The following ABCA13 variants were observed in gnomAD, a reference collection of about 807,000 sequenced individuals.
ABCA13 encodes the protein ATP-binding cassette sub-family A member 13.
ABCA13 carries 476 observed loss-of-function variants against 478.7 expected under a neutral mutation model. That is an observed-to-expected ratio of 0.99 (90% CI 0.92 to 1.07). ABCA13 has a LOEUF of 1.07. Among genes scored for constraint, ABCA13 ranks in the 50% least tolerant of loss-of-function variants. The probability of loss-of-function intolerance (pLI) is 0.00; values close to 1 mark genes in which losing one functional copy is unlikely to be tolerated. For synonymous variants in ABCA13, 2,252 were observed against 2,158.9 expected (o/e 1.04, Z -1.20); for missense variants, 6,060 against 5,910.6 (o/e 1.03, Z -0.83).
rs559220455 is a variant in ABCA13, at chr7:48,371,150, G to A, written c.10804-1018G>A. ...TCCATTGGTTTATGTGTCTGTTTTTGCTCCAGTACCATGCTGTTTTGGTTA... is the reference window on the plus strand; with the variant it reads ...TCCATTGGTTTATGTGTCTGTTTTTACTCCAGTACCATGCTGTTTTGGTTA... On this transcript the variant is annotated intron_variant, in intron 32 of 61. Transcript: ENST00000435803. Among the ~76,000 whole-genome samples, 23 of 152,226 alleles carry A rather than the reference G, an allele frequency of 1.5e-4. No homozygotes were observed. The South Asian group carries it at 1.9e-3, about 12-fold the overall frequency.
At chr7:48,488,812 A>C (rs777040406) in intron 47 of ABCA13, among the ~76,000 whole-genome samples, 10 of 152,024 alleles carry the variant, frequency 6.6e-5, no homozygotes, top group Non-Finnish European at 8.8e-5. Context: ...AGTTCAGTTT[A>C]TTTTGAGAAA....
intron 56 of ABCA13, among the ~76,000 whole-genome samples, chr7:48,582,609 G>C (rs6583455): frequency 6.6e-6 from 1 of 152,046 alleles, no homozygotes; most frequent in Admixed American, 6.6e-5. Context: ...CTGTGCTTGC[G>C]GGGAGGCTCC....
intron 9 of ABCA13, among the ~76,000 whole-genome samples, 163 bp downstream of exon 9, chr7:48,239,568 A>C (rs1428554336): frequency 6.6e-6 from 1 of 152,188 alleles, no homozygotes; most frequent in Non-Finnish European, 1.5e-5. Context: ...ACCTTGTCCC[A>C]TGTGCATCAA....
intron 18 of ABCA13, among the ~76,000 whole-genome samples, 188 bp from the exon 19 acceptor site, chr7:48,281,155 A>T (rs1270646131): frequency 6.6e-6 from 1 of 152,284 alleles, no homozygotes; most frequent in Non-Finnish European, 1.5e-5. Context: ...AATTCTGGAG[A>T]CCTAAAGTTT....
chr7:48,338,398 G>T lies in ABCA13; in HGVS notation c.10147G>T (p.Val3383Leu). 8.1e-6 allele frequency: 13 copies of T among 1,602,622 alleles called. No homozygotes were observed. Among genetic ancestry groups the T allele is most frequent in the Non-Finnish European group, 1.1e-5 (13 of 1,174,212 alleles). ...GAGAAACAAATTTGTAAGAAACTTT[G>T]TAGAAAACCAGTTGCACATTGATGT... ...ALRNKFVRNFVENQLHIDVDK... is the reference protein window; with the variant it reads ...ALRNKFVRNFLENQLHIDVDK... The change falls in exon 29 of 62, where the codon GTA (valine) becomes TTA (leucine). Residue 3383 changes from valine (V) to leucine (L), a missense_variant. By Grantham distance (32) the Val-to-Leu change is conservative. This residue lies in a region of ABCA13 where 4,423 missense variants were observed against 4,309.1 expected (regional missense o/e 1.03). Transcript: ENST00000435803.
intron 47 of ABCA13, among the ~76,000 whole-genome samples, chr7:48,487,808 G>A (rs1202138322): frequency 1.3e-5 from 2 of 152,130 alleles, no homozygotes; most frequent in Non-Finnish European, 1.5e-5. Context: ...GGGCAGGGTG[G>A]CATGGGGGAG....
intron 47 of ABCA13, among the ~76,000 whole-genome samples, chr7:48,485,575 G>C (rs1271371261): frequency 6.6e-6 from 1 of 152,150 alleles, no homozygotes; most frequent in South Asian, 2.1e-4. Context: ...CCTTTCTCAA[G>C]TAAAGGCCAG....
intron 56 of ABCA13, among the ~76,000 whole-genome samples, chr7:48,585,633 T>C (rs572618028): frequency 6.6e-6 from 1 of 152,334 alleles, no homozygotes; most frequent in African/African-American, 2.4e-5. Flanking sequence ...CTAACTTTTA[T>C]GTACTTGTCA....
At chr7:48,236,182 C>A (rs1789924988) in intron 8 of ABCA13, among the ~76,000 whole-genome samples, 1 of 152,036 alleles carries the variant, frequency 6.6e-6, no homozygotes, top group African/African-American at 2.4e-5. Context: ...TTCTGAGTAG[C>A]AAGGCAAGTT....
rs553802895 is a variant in ABCA13, at chr7:48,354,728, G to C, written c.10688+2241G>C. Reference sequence around the variant, plus strand: ...AATTCTCTGAAATATTTAAATCTTTGAGATTTCTCACTGTGCTATATCCAT... The same window carrying C: ...AATTCTCTGAAATATTTAAATCTTTCAGATTTCTCACTGTGCTATATCCAT... On this transcript the variant is annotated intron_variant, in intron 31 of 61. Coordinates refer to ENST00000435803, the MANE Select transcript of ABCA13 (RefSeq NM_152701.5). Among the ~76,000 whole-genome samples the C allele has an allele frequency of 6.6e-4, 101 of 152,046 alleles. 1 individual carries two copies. Among genetic ancestry groups the C allele is most frequent in the African/African-American group, 2.4e-3 (98 of 41,354 alleles).
intron 59 of ABCA13, among the ~76,000 whole-genome samples, chr7:48,637,923 G>A (rs1794807476): frequency 6.6e-6 from 1 of 152,166 alleles, no homozygotes; most frequent in African/African-American, 2.4e-5. Flanking sequence ...AGAGTCAGTG[G>A]CAGAAGGGTT....
At chr7:48,376,303 G>C in intron 34 of ABCA13, 138 bp from the exon 35 acceptor site, 1 of 955,730 alleles carries the variant, frequency 1.0e-6, no homozygotes, top group East Asian at 2.5e-5. Context: ...AAAAGTTATG[G>C]CCAGTGATAT....
intron 8 of ABCA13, among the ~76,000 whole-genome samples, chr7:48,238,087 A>G (rs192611388): frequency 7.0e-4 from 107 of 152,366 alleles, no homozygotes; most frequent in African/African-American, 2.6e-3. Flanking sequence ...TGTTTAGTCA[A>G]TTCAGGCTGT....
At chr7:48,441,780 T>G (rs901641438) in intron 42 of ABCA13, among the ~76,000 whole-genome samples, 1 of 152,092 alleles carries the variant, frequency 6.6e-6, no homozygotes, top group South Asian at 2.1e-4. Flanking sequence ...TTACTGGATG[T>G]TATAGAGATG....
At chr7:48,485,054 T>C (rs1337213783) in intron 47 of ABCA13, among the ~76,000 whole-genome samples, 10 of 152,208 alleles carry the variant, frequency 6.6e-5, no homozygotes, top group Non-Finnish European at 1.3e-4. Flanking sequence ...AGAATGTCTC[T>C]TGTGTGACCT....
chr7:48,597,688 CT>C (rs780636432), intron 58 of ABCA13, among the ~76,000 whole-genome samples: 1 of 152,152 alleles, frequency 6.6e-6, no homozygotes, highest in Non-Finnish European at 1.5e-5. Context: ...AGGACTAACG[CT>C]GTTAGAATCT....
chr7:48,564,443 A>C (rs1280458377), intron 55 of ABCA13, among the ~76,000 whole-genome samples: 2 of 151,962 alleles, frequency 1.3e-5, no homozygotes, highest in Non-Finnish European at 2.9e-5. Context: ...TTTTTTTAAT[A>C]ATAATGATTC....
At position 48,250,453 on chromosome 7, in the gene ABCA13, C is replaced by T. The variant is rs550060315; in HGVS notation, c.2005+1102C>T. ...CTAATTACAGGGTTGGTTCCCCTGA[C>T]AATCAGCCCCCATTCTGGGGCTATC... is the stretch of plus-strand genomic sequence containing the variant. On this transcript the variant is annotated intron_variant, in intron 15 of 61. Coordinates refer to ENST00000435803, the MANE Select transcript of ABCA13 (RefSeq NM_152701.5). 4.5e-4 allele frequency among the ~76,000 whole-genome samples: 69 copies of T among 152,278 alleles called. No individual in the cohort carries two copies. The South Asian group carries it at 0.011, about 25-fold the overall frequency.
intron 3 of ABCA13, among the ~76,000 whole-genome samples, chr7:48,204,229 T>G (rs1216726633): frequency 1.3e-5 from 2 of 151,398 alleles, no homozygotes; most frequent in African/African-American, 4.9e-5. Flanking sequence ...TTTTTTTTTT[T>G]GAGACAGTCT....
Sources: allele counts gnomAD v4.1 joint callset (sites outside exome capture counted in the v4.1 genomes callset), GRCh38; gene constraint gnomAD v4.1.1; regional missense constraint gnomAD v4.1.1; transcripts MANE v1.5; gene names NCBI Gene and HGNC (gene_info 2026-07-23, HGNC 2026-07-21).